The following DACH2 variants were observed in gnomAD, a reference collection of about 807,000 sequenced individuals.
The protein encoded by DACH2 is dachshund family transcription factor 2, also known as dachshund homolog 2.
In DACH2, 17 loss-of-function variants were observed where a neutral mutation model predicts 35.8. The observed-to-expected ratio is 0.48, with a 90% CI of 0.33 to 0.71. The LOEUF (loss-of-function observed/expected upper bound fraction) is 0.71. Among genes scored for constraint, DACH2 ranks in the 30% least tolerant of loss-of-function variants. The pLI is 0.02. For missense variants in DACH2, 469 were observed against 472.7 expected (o/e 0.99, Z 0.07); for synonymous variants, 195 against 177.3 (o/e 1.10, Z -0.79).
intron 2 of DACH2, among the ~76,000 whole-genome samples, chrX:86,502,765 C>T (rs1213755312): frequency 1.8e-5 from 2 of 112,133 alleles, no homozygotes; most frequent in African/African-American, 6.5e-5. Flanking sequence ...ATACATACAC[C>T]GAGCTTGTCC....
At position 86,775,162 on chromosome X, in the gene DACH2, GT is replaced by G. The variant is rs1426406739; in HGVS notation, c.1240+35281del. On this transcript the variant is annotated intron_variant, in intron 7 of 11. Coordinates refer to ENST00000373125, the MANE Select transcript of DACH2 (RefSeq NM_053281.3). ...GCTTTAAGAGTAGGCGCAATGGACT[GT>G]GTAGTCTCGAAGGGCTTTGTGGAAG... is the stretch of plus-strand genomic sequence containing the variant. Among the ~76,000 whole-genome samples the G allele has an allele frequency of 6.3e-5, 7 of 111,753 alleles. No individual in the cohort carries two copies. The Admixed American group carries it at 6.7e-4, about 11-fold the overall frequency.
At chrX:86,475,972 C>A (rs2037837137) in intron 2 of DACH2, among the ~76,000 whole-genome samples, 1 of 112,199 alleles carries the variant, frequency 8.9e-6, no homozygotes, top group African/African-American at 3.2e-5. Context: ...ATACGATGTA[C>A]CACATCAATT....
chrX:86,819,938 T>TG (rs1317274661), intron 11 of DACH2, among the ~76,000 whole-genome samples: 1 of 111,820 alleles, frequency 8.9e-6, no homozygotes, highest in Non-Finnish European at 1.9e-5. Context: ...TCATTGTTAG[T>TG]GGCTAGTGGT....
intron 1 of DACH2, among the ~76,000 whole-genome samples, chrX:86,355,377 G>C (rs780147046): frequency 8.9e-6 from 1 of 112,135 alleles, no homozygotes; most frequent in Non-Finnish European, 1.9e-5. Flanking sequence ...TGTATACCCA[G>C]TAATAGGATT....
intron 1 of DACH2, among the ~76,000 whole-genome samples, chrX:86,159,721 T>C (rs1282672631): frequency 2.7e-5 from 3 of 111,789 alleles, no homozygotes; most frequent in Non-Finnish European, 5.6e-5. Context: ...ATCTCCAGAT[T>C]ATCTAGGTTG....
intron 3 of DACH2, among the ~76,000 whole-genome samples, chrX:86,547,541 A>G (rs997817088): frequency 1.8e-5 from 2 of 108,597 alleles, no homozygotes; most frequent in Non-Finnish European, 3.8e-5. Context: ...ACACACACAC[A>G]CACACACACA....
intron 1 of DACH2, among the ~76,000 whole-genome samples, chrX:86,243,411 G>T (rs1032247330): frequency 1.8e-5 from 2 of 111,796 alleles, no homozygotes; most frequent in Non-Finnish European, 3.8e-5. Context: ...CTATTTCCAT[G>T]CCATAACATC....
chrX:86,230,470 G>A (rs2032924866), intron 1 of DACH2, among the ~76,000 whole-genome samples: 1 of 111,324 alleles, frequency 9.0e-6, no homozygotes, highest in African/African-American at 3.3e-5. Flanking sequence ...GTCCTTTCCT[G>A]CTTTTGGTAT....
intron 1 of DACH2, among the ~76,000 whole-genome samples, chrX:86,335,918 G>T (rs778513441): frequency 1.8e-5 from 2 of 111,525 alleles, no homozygotes; most frequent in Admixed American, 9.6e-5. Context: ...TTTGAGATAC[G>T]TTCCATCAAT....
chrX:86,658,244 G>T (rs1180824009), intron 4 of DACH2, among the ~76,000 whole-genome samples: 1 of 111,428 alleles, frequency 9.0e-6, no homozygotes, highest in East Asian at 2.8e-4. Context: ...ATACTGGAAG[G>T]CTGTATTTAG....
intron 1 of DACH2, among the ~76,000 whole-genome samples, chrX:86,210,437 T>C (rs1372810453): frequency 1.8e-5 from 2 of 111,515 alleles, no homozygotes; most frequent in African/African-American, 6.5e-5. Flanking sequence ...TCATTTAACC[T>C]TGTGAGAGTT....
At chrX:86,481,331 A>G (rs1331717737) in intron 2 of DACH2, among the ~76,000 whole-genome samples, 1 of 111,883 alleles carries the variant, frequency 8.9e-6, no homozygotes, top group Non-Finnish European at 1.9e-5. Context: ...TAATCCATTG[A>G]CTTGTAAATA....
chrX:86,254,652 C>A (rs1244270022), intron 1 of DACH2, among the ~76,000 whole-genome samples: 8 of 65,659 alleles, frequency 1.2e-4, no homozygotes, highest in African/African-American at 6.3e-4. Context: ...TGAAGCTTGT[C>A]TACTTATTTT....
intron 6 of DACH2, among the ~76,000 whole-genome samples, chrX:86,729,800 G>A (rs1282480879): frequency 3.6e-5 from 4 of 111,230 alleles, no homozygotes; most frequent in Non-Finnish European, 7.5e-5. Context: ...CTCTAGCCAT[G>A]TGATATGCCT....
At chrX:86,626,790 G>C (rs1456487682) in intron 3 of DACH2, among the ~76,000 whole-genome samples, 1 of 112,791 alleles carries the variant, frequency 8.9e-6, no homozygotes, top group Non-Finnish European at 1.9e-5. Context: ...CTGAGATGCA[G>C]GGCACCAAGT....
intron 11 of DACH2, among the ~76,000 whole-genome samples, chrX:86,824,191 A>G (rs1364985757): frequency 9.0e-6 from 1 of 110,800 alleles, no homozygotes; most frequent in East Asian, 2.9e-4. Context: ...GGACACTCCC[A>G]GAACAGCCGT....
chrX:86,431,751 G>A (rs1191481275), intron 2 of DACH2, among the ~76,000 whole-genome samples: 1 of 111,565 alleles, frequency 9.0e-6, no homozygotes, highest in Non-Finnish European at 1.9e-5. Flanking sequence ...TAGATTACTT[G>A]CTTAATACTA....
chrX:86,293,142 A>G (rs1289029798), intron 1 of DACH2, among the ~76,000 whole-genome samples: 1 of 96,755 alleles, frequency 1.0e-5, no homozygotes. Flanking sequence ...TAGGATAGTT[A>G]GCTTTTCTTG....
At chrX:86,402,318 A>G (rs1390764770) in intron 2 of DACH2, among the ~76,000 whole-genome samples, 1 of 112,172 alleles carries the variant, frequency 8.9e-6, no homozygotes, top group African/African-American at 3.2e-5. Context: ...CCTAGAACTG[A>G]TAAACAACTT....
Sources: gnomAD v4.1 joint callset for allele counts (sites outside exome capture counted in the v4.1 genomes callset) on GRCh38, gnomAD v4.1.1 for gene constraint, MANE v1.5 for transcripts, NCBI Gene and HGNC (gene_info 2026-07-23, HGNC 2026-07-21) for gene names.